FBXO11: variants seen among roughly 807,000 people sequenced by gnomAD.
FBXO11 encodes the protein F-box only protein 11.
FBXO11 carries 13 observed loss-of-function variants against 117.0 expected under a neutral mutation model. The observed-to-expected ratio is 0.11, with a 90% confidence interval of 0.07 to 0.18. FBXO11 has a LOEUF of 0.18. FBXO11 is among the 10% of genes least tolerant of loss of function. The probability of loss-of-function intolerance (pLI) is 1.00; values close to 1 mark genes in which losing one functional copy is unlikely to be tolerated. For synonymous variants in FBXO11, 490 were observed against 380.5 expected (o/e 1.29, Z -3.35); for missense variants, 767 against 1,164.4 (o/e 0.66, Z 4.97).
intron 1 of FBXO11, among the ~76,000 whole-genome samples, chr2:47,855,907 A>G (rs1674258530): frequency 6.6e-6 from 1 of 152,076 alleles, no homozygotes; most frequent in Non-Finnish European, 1.5e-5. Flanking sequence ...CTGGTAAGAT[A>G]TAGATGAGCC....
chr2:47,829,606 C>T (rs1331963869), intron 11 of FBXO11, among the ~76,000 whole-genome samples: 2 of 151,682 alleles, frequency 1.3e-5, no homozygotes, highest in African/African-American at 4.8e-5. Flanking sequence ...ATTAAACAAA[C>T]AAAAGACAAT....
intron 16 of FBXO11, among the ~76,000 whole-genome samples, chr2:47,815,914 C>G (rs1014681721): frequency 6.6e-6 from 1 of 152,196 alleles, no homozygotes; most frequent in African/African-American, 2.4e-5. Context: ...CTTAGTCAAG[C>G]CTCGAGGGCC....
At chr2:47,838,769 C>G in intron 4 of FBXO11, 90 bp downstream of exon 4, 4 of 1,216,226 alleles carry the variant, frequency 3.3e-6, no homozygotes, top group Non-Finnish European at 4.7e-6. Flanking sequence ...TTGTAACTAC[C>G]AACTCACCGC....
intron 3 of FBXO11, 129 bp downstream of exon 3, chr2:47,839,290 T>G: frequency 1.1e-6 from 1 of 885,892 alleles, no homozygotes; most frequent in Non-Finnish European, 1.7e-6. Flanking sequence ...GTTCTAAAGT[T>G]TATTCTGTAA....
chr2:47,856,781 T>C (rs1397530616), intron 1 of FBXO11, among the ~76,000 whole-genome samples: 1 of 152,210 alleles, frequency 6.6e-6, no homozygotes, highest in Non-Finnish European at 1.5e-5. Context: ...AATAGGATAA[T>C]TATATTATCA....
intron 1 of FBXO11, among the ~76,000 whole-genome samples, chr2:47,866,466 G>C (rs1675203536): frequency 6.6e-6 from 1 of 151,472 alleles, no homozygotes; most frequent in South Asian, 2.1e-4. Flanking sequence ...ATCTACGCTA[G>C]CAAGTTTGTT....
At chr2:47,841,980 T>C (rs1673044460) in intron 1 of FBXO11, among the ~76,000 whole-genome samples, 1 of 150,678 alleles carries the variant, frequency 6.6e-6, no homozygotes, top group East Asian at 2.0e-4. Flanking sequence ...ATAATACAAA[T>C]GCTTTTAGTG....
chr2:47,812,157 A>AC (rs1670664266), intron 18 of FBXO11, among the ~76,000 whole-genome samples: 1 of 152,038 alleles, frequency 6.6e-6, no homozygotes, highest in African/African-American at 2.4e-5. Context: ...AATTTTCTGT[A>AC]CCTCTTCCCT....
intron 1 of FBXO11, among the ~76,000 whole-genome samples, chr2:47,890,283 C>G (rs1349818254): frequency 1.3e-5 from 2 of 152,118 alleles, no homozygotes; most frequent in Non-Finnish European, 2.9e-5. Flanking sequence ...TAATTCTGAA[C>G]TGACTTCCTG....
At chr2:47,902,670 T>TAA in intron 1 of FBXO11, among the ~76,000 whole-genome samples, 1 of 152,144 alleles carries the variant, frequency 6.6e-6, no homozygotes, top group East Asian at 1.9e-4. Flanking sequence ...ATGAAGCAGC[T>TAA]AAAGACCATT....
chr2:47,837,686 GATCA>G (rs1672693406), intron 4 of FBXO11, among the ~76,000 whole-genome samples: 1 of 152,116 alleles, frequency 6.6e-6, no homozygotes, highest in Non-Finnish European at 1.5e-5. Context: ...TTTATCTACA[GATCA>G]TTTATTATAG....
At chr2:47,866,783 G>A (rs554930683) in intron 1 of FBXO11, among the ~76,000 whole-genome samples, 1 of 152,244 alleles carries the variant, frequency 6.6e-6, no homozygotes, top group South Asian at 2.1e-4. Context: ...ATGCTAGCAA[G>A]TTTTCCTAAA....
At chr2:47,870,823 C>T (rs188744635) in intron 1 of FBXO11, among the ~76,000 whole-genome samples, 1 of 152,292 alleles carries the variant, frequency 6.6e-6, no homozygotes, top group African/African-American at 2.4e-5. Context: ...AGGCTGTCAC[C>T]AACTTCCTGC....
At chr2:47,861,403 C>T (rs1674764452) in intron 1 of FBXO11, among the ~76,000 whole-genome samples, 1 of 150,840 alleles carries the variant, frequency 6.6e-6, no homozygotes, top group Non-Finnish European at 1.5e-5. Flanking sequence ...ACTGCAGCCT[C>T]GATCTCCTGG....
chr2:47,898,433 T>TA, intron 1 of FBXO11, among the ~76,000 whole-genome samples: 1 of 152,332 alleles, frequency 6.6e-6, no homozygotes, highest in African/African-American at 2.4e-5. Context: ...CACTGAAATC[T>TA]AAAACTAATT....
intron 1 of FBXO11, among the ~76,000 whole-genome samples, chr2:47,878,673 T>A (rs1676199255): frequency 6.6e-6 from 1 of 151,964 alleles, no homozygotes; most frequent in South Asian, 2.1e-4. Context: ...TTTTTTTTTT[T>A]TTTTAAAGGA....
rs182517118 is a variant in FBXO11 at position 47,843,788 on chromosome 2, T to C, written c.233-4019A>G. ...ATGAGTCTTGCTCTGTTGCCCAGGTTGGAGTGCAATGGCGTGATCTCGGCT... is the reference window on the plus strand; with the variant it reads ...ATGAGTCTTGCTCTGTTGCCCAGGTCGGAGTGCAATGGCGTGATCTCGGCT... On this transcript the variant is annotated intron_variant, in intron 1 of 22. Coordinates refer to ENST00000403359, the MANE Select transcript of FBXO11 (RefSeq NM_001190274.2). Among the ~76,000 whole-genome samples, 6 of 152,318 alleles carry C rather than the reference T, an allele frequency of 3.9e-5. 1 individual carries two copies. Among genetic ancestry groups the C allele is most frequent in the African/African-American group, 1.4e-4 (6 of 41,582 alleles).
chr2:47,832,580 G>C lies in FBXO11; in HGVS notation c.1252C>G (p.His418Asp), dbSNP rs375570039. 1 of 1,612,476 alleles carries C rather than the reference G, an allele frequency of 6.2e-7. No individual in the cohort carries two copies. The highest frequency in any genetic ancestry group is 8.5e-7 in the Non-Finnish European group (1 of 1,179,426). ...CENVGLYITD[H>D]AQGIYEDNEI... ...ACAAAATTAAAAAATACCTGTGCAT[G>C]ATCTGTTATATATAGTCCAACATTT... Residue 418 changes from histidine to aspartate, a missense_variant, in exon 10 of 23, where the codon CAT (histidine) becomes GAT (aspartate). Transcript: ENST00000403359.
At chr2:47,820,517 T>G in intron 13 of FBXO11, 61 bp from the exon 14 acceptor site, 1 of 1,292,850 alleles carries the variant, frequency 7.7e-7, no homozygotes, top group Non-Finnish European at 1.1e-6. Context: ...CAGTAAGGAT[T>G]TTACATTAGG....
Sources: allele counts gnomAD v4.1 joint callset (sites outside exome capture counted in the v4.1 genomes callset), GRCh38; gene constraint gnomAD v4.1.1; transcripts MANE v1.5; gene names NCBI Gene and HGNC (gene_info 2026-07-23, HGNC 2026-07-21).